CPM: variants seen among roughly 807,000 people sequenced by gnomAD.
The protein encoded by CPM is carboxypeptidase M.
CPM carries 35 observed loss-of-function variants against 46.4 expected under a neutral mutation model. The ratio of observed to expected loss-of-function variants is 0.75; its 90% CI spans 0.58 to 1.00. The LOEUF is 1.00. Ranked by LOEUF, CPM falls within the 50% of genes least tolerant of loss-of-function variation. The pLI, the probability that CPM is intolerant of heterozygous loss-of-function variation, is 0.00. For missense variants in CPM, 422 were observed against 530.4 expected (o/e 0.80, Z 2.01); for synonymous variants, 195 against 195.3 (o/e 1.00, Z 0.01).
At chr12:68,885,152 C>T (rs1886375355) in intron 3 of CPM, among the ~76,000 whole-genome samples, 1 of 152,084 alleles carries the variant, frequency 6.6e-6, no homozygotes, top group South Asian at 2.1e-4. Context: ...ACCATGTTGG[C>T]CAGGCTGGTC....
intron 8 of CPM, among the ~76,000 whole-genome samples, chr12:68,858,259 C>T (rs867358230): frequency 6.2e-4 from 94 of 152,266 alleles, no homozygotes; most frequent in African/African-American, 2.1e-3. Context: ...GAGAAATTCA[C>T]ATCAAAGAGA....
At chr12:68,929,683 G>A (rs1318923323) in intron 2 of CPM, among the ~76,000 whole-genome samples, 1 of 152,158 alleles carries the variant, frequency 6.6e-6, no homozygotes, top group African/African-American at 2.4e-5. Context: ...ATCATGACAT[G>A]TATCAATGGT....
At chr12:68,926,833 G>A (rs1489816338) in intron 2 of CPM, among the ~76,000 whole-genome samples, 2 of 152,002 alleles carry the variant, frequency 1.3e-5, no homozygotes, top group Admixed American at 1.3e-4. Context: ...TTGTTCTTGC[G>A]ATAGTTTACT....
At chr12:68,930,224 G>A (rs1888443564) in intron 2 of CPM, among the ~76,000 whole-genome samples, 1 of 152,168 alleles carries the variant, frequency 6.6e-6, no homozygotes, top group Admixed American at 6.5e-5. Context: ...GGAACCACAG[G>A]TGCACACCAC....
chr12:68,872,900 T>C (rs143898990), intron 3 of CPM, among the ~76,000 whole-genome samples: 62 of 152,266 alleles, frequency 4.1e-4, no homozygotes, highest in African/African-American at 1.5e-3. Context: ...CCACCTAAAT[T>C]AGCTTGCAGT....
intron 2 of CPM, among the ~76,000 whole-genome samples, chr12:68,899,553 G>A (rs1248345385): frequency 6.6e-6 from 1 of 152,210 alleles, no homozygotes; most frequent in African/African-American, 2.4e-5. Flanking sequence ...CTGTCATGGA[G>A]AGACTCCAAC....
At position 68,853,140 on chromosome 12, in the gene CPM, G is replaced by A. The variant is rs563092081; in HGVS notation, c.*3297C>T. On this transcript the variant is annotated 3_prime_UTR_variant, in exon 9 of 9. Transcript: ENST00000551568. ...AATTCTGATTTTAAAAACTATTTCA[G>A]CAAGAGATTTACATTAAGGCTCATG... 6 of 152,298 alleles carry A rather than the reference G, an allele frequency of 3.9e-5. No homozygotes were observed. The East Asian group carries it at 5.8e-4, about 15-fold the overall frequency. The allele number at this position is 152,298 out of a possible 1,614,324, so 9.4% of individuals were successfully genotyped here. A position where few individuals can be genotyped will look rare whatever the true frequency, so the allele number is the denominator to read the frequency against.
At chr12:68,890,601 T>TA (rs57569890) in intron 2 of CPM, among the ~76,000 whole-genome samples, 19,367 of 152,216 alleles carry the variant, frequency 0.13, 1,243 homozygotes, top group Middle Eastern at 0.21. Flanking sequence ...CTGAAAGTAC[T>TA]AGACAGGCCA....
At chr12:68,876,847 C>G (rs1007741055) in intron 3 of CPM, among the ~76,000 whole-genome samples, 1 of 152,022 alleles carries the variant, frequency 6.6e-6, no homozygotes, top group Non-Finnish European at 1.5e-5. Context: ...GAACAATCTA[C>G]AACCCAGGCA....
chr12:68,848,135 A>T, downstream of CPM: 2 of 152,366 alleles, frequency 1.3e-5, 1 homozygote, highest in Middle Eastern at 6.8e-3. Flanking sequence ...TCTTAAAAAA[A>T]TAAAAAATAA....
At chr12:68,949,037 A>G (rs1223886942) in intron 1 of CPM, among the ~76,000 whole-genome samples, 2 of 152,176 alleles carry the variant, frequency 1.3e-5, no homozygotes, top group South Asian at 4.1e-4. Context: ...TTTATCCTCC[A>G]TCAGGCCTAT....
chr12:68,867,971 A>AGGCAC (rs1315215803), intron 6 of CPM, among the ~76,000 whole-genome samples: 1 of 152,214 alleles, frequency 6.6e-6, no homozygotes, highest in East Asian at 1.9e-4. Context: ...AGGCCAGGCC[A>AGGCAC]GGCACATTCT....
At chr12:68,904,928 G>A (rs1040343942) in intron 2 of CPM, among the ~76,000 whole-genome samples, 4 of 152,090 alleles carry the variant, frequency 2.6e-5, no homozygotes, top group Non-Finnish European at 5.9e-5. Context: ...TTTTTGGGGG[G>A]ATGGAGTTTC....
intron 1 of CPM, among the ~76,000 whole-genome samples, chr12:68,953,336 C>A (rs886754080): frequency 6.6e-6 from 1 of 151,916 alleles, no homozygotes; most frequent in Non-Finnish European, 1.5e-5. Context: ...TTCATATTTC[C>A]GTGCATGGAA....
chr12:68,901,191 A>G (rs1037195804), intron 2 of CPM, among the ~76,000 whole-genome samples: 2 of 152,166 alleles, frequency 1.3e-5, no homozygotes, highest in African/African-American at 4.8e-5. Context: ...AGGTACAGCA[A>G]ATTTGCTCTA....
At chr12:68,944,940 A>G (rs898374225) in intron 1 of CPM, among the ~76,000 whole-genome samples, 1 of 152,166 alleles carries the variant, frequency 6.6e-6, no homozygotes, top group Admixed American at 6.5e-5. Context: ...GGTGGGGGCC[A>G]CAGGACCAGT....
At chr12:68,889,937 G>A (rs1009669338) in intron 2 of CPM, among the ~76,000 whole-genome samples, 5 of 152,256 alleles carry the variant, frequency 3.3e-5, no homozygotes, top group South Asian at 2.1e-4. Context: ...TAGCAGTTAC[G>A]TCAGACTAGG....
intron 2 of CPM, among the ~76,000 whole-genome samples, chr12:68,921,635 C>T (rs182149118): frequency 2.0e-5 from 3 of 152,140 alleles, no homozygotes; most frequent in Non-Finnish European, 2.9e-5. Flanking sequence ...TTCTCTGAGG[C>T]CTTCTCCTAC....
intron 3 of CPM, among the ~76,000 whole-genome samples, chr12:68,876,258 C>A (rs752301382): frequency 6.6e-6 from 1 of 152,034 alleles, no homozygotes; most frequent in Non-Finnish European, 1.5e-5. Context: ...GATAAAGAAC[C>A]AACTAAGCAT....
Sources: allele counts gnomAD v4.1 joint callset (sites outside exome capture counted in the v4.1 genomes callset), GRCh38; gene constraint gnomAD v4.1.1; transcripts MANE v1.5; gene names NCBI Gene and HGNC (gene_info 2026-07-23, HGNC 2026-07-21).